TBC1D8: variants seen among roughly 807,000 people sequenced by gnomAD.
The protein encoded by TBC1D8 is BUB2-like protein 1.
In TBC1D8, 65 loss-of-function variants were observed where a neutral mutation model predicts 118.8. The observed-to-expected ratio is 0.55, with a 90% CI of 0.45 to 0.67. The LOEUF (loss-of-function observed/expected upper bound fraction) is 0.67. TBC1D8 is among the 30% of genes least tolerant of loss of function. The probability of loss-of-function intolerance (pLI) is 0.00; values close to 1 mark genes in which losing one functional copy is unlikely to be tolerated. For synonymous variants in TBC1D8, 566 were observed against 595.8 expected, an observed-to-expected ratio of 0.95 and a Z score of 0.73; for missense variants, 1,376 against 1,471.2, an observed-to-expected ratio of 0.94 and a Z score of 1.06.
chr2:101,137,031 C>CTTTTT (rs34792672), intron 1 of TBC1D8, among the ~76,000 whole-genome samples: 1 of 121,060 alleles, frequency 8.3e-6, no homozygotes, highest in African/African-American at 3.2e-5. Context: ...TAGGCTAATT[C>CTTTTT]TTTTTTTTTT....
At chr2:101,028,606 C>T (rs1364797437) in intron 12 of TBC1D8, 174 bp from the exon 13 acceptor site, 15 of 934,618 alleles carry the variant, frequency 1.6e-5, no homozygotes, top group Admixed American at 3.1e-5. Context: ...TCATGAAGCC[C>T]GGCTTGTGGA....
chr2:101,077,617 A>C (rs751993340), intron 2 of TBC1D8, among the ~76,000 whole-genome samples: 21 of 152,176 alleles, frequency 1.4e-4, no homozygotes, highest in Admixed American at 3.9e-4. Context: ...GACAGTATCA[A>C]GGGGATGGTG....
At chr2:101,021,598 G>C (rs1680031221) in intron 17 of TBC1D8, 83 bp downstream of exon 17, 3 of 976,494 alleles carry the variant, frequency 3.1e-6, no homozygotes, top group Non-Finnish European at 3.1e-6. Flanking sequence ...ACTTTAAAAA[G>C]AGAAGAGCTT....
intron 1 of TBC1D8, among the ~76,000 whole-genome samples, chr2:101,111,416 G>A (rs1431396799): frequency 6.6e-6 from 1 of 152,200 alleles, no homozygotes; most frequent in East Asian, 1.9e-4. Context: ...GCCCATCATG[G>A]CTGGTGGAAC....
intron 16 of TBC1D8, 106 bp downstream of exon 16, chr2:101,022,175 A>C (rs756955259): frequency 1.5e-4 from 237 of 1,537,156 alleles, no homozygotes; most frequent in Admixed American, 2.2e-4. Context: ...GCCAGTCACA[A>C]AAGTGTTACA....
chr2:101,043,407 A>G (rs1681505805), intron 5 of TBC1D8, among the ~76,000 whole-genome samples: 1 of 152,244 alleles, frequency 6.6e-6, no homozygotes, highest in South Asian at 2.1e-4. Context: ...AGCTTTAACG[A>G]AAGTAAAATC....
chr2:101,082,457 C>G (rs1675328188), intron 2 of TBC1D8, among the ~76,000 whole-genome samples: 1 of 152,194 alleles, frequency 6.6e-6, no homozygotes, highest in Non-Finnish European at 1.5e-5. Context: ...CTCCCCATGA[C>G]CTGACTAGGA....
intron 2 of TBC1D8, among the ~76,000 whole-genome samples, chr2:101,068,859 C>A (rs1324260906): frequency 6.6e-6 from 1 of 151,816 alleles, no homozygotes; most frequent in Non-Finnish European, 1.5e-5. Context: ...ATTAGCTGAG[C>A]GTGGTGGTGG....
chr2:101,133,727 T>C (rs1678702751), intron 1 of TBC1D8, among the ~76,000 whole-genome samples: 1 of 151,960 alleles, frequency 6.6e-6, no homozygotes, highest in African/African-American at 2.4e-5. Context: ...CCTTAGGGGG[T>C]TGTATTAGTC....
chr2:101,018,915 T>C (rs1679850228), intron 17 of TBC1D8: 2 of 1,540,708 alleles, frequency 1.3e-6, no homozygotes, highest in African/African-American at 2.7e-5. Flanking sequence ...GTGAAAACTG[T>C]TGATGTCCTA....
At chr2:101,142,212 T>C (rs1461075684) in intron 1 of TBC1D8, among the ~76,000 whole-genome samples, 2 of 152,092 alleles carry the variant, frequency 1.3e-5, no homozygotes, top group Non-Finnish European at 2.9e-5. Context: ...TGGAAACAAT[T>C]TGGAATTATC....
At chr2:101,094,466 A>C (rs1049566768) in intron 1 of TBC1D8, among the ~76,000 whole-genome samples, 23 of 152,130 alleles carry the variant, frequency 1.5e-4, no homozygotes, top group African/African-American at 5.1e-4. Context: ...CACTCATCCC[A>C]CACCCCCACA....
chr2:101,085,229 A>T (rs1164973491), intron 2 of TBC1D8, among the ~76,000 whole-genome samples: 1 of 152,074 alleles, frequency 6.6e-6, no homozygotes, highest in Non-Finnish European at 1.5e-5. Flanking sequence ...GTATCCAATA[A>T]AGGATTGGAT....
intron 1 of TBC1D8, among the ~76,000 whole-genome samples, chr2:101,144,950 T>A (rs1432262444): frequency 6.6e-6 from 1 of 152,014 alleles, no homozygotes; most frequent in Non-Finnish European, 1.5e-5. Context: ...AAAATAAAAA[T>A]AAAAATAAAT....
At chr2:101,049,775 C>T (rs1681938661) in intron 5 of TBC1D8, among the ~76,000 whole-genome samples, 1 of 151,340 alleles carries the variant, frequency 6.6e-6, no homozygotes, top group South Asian at 2.1e-4. Flanking sequence ...TCTTAATGTT[C>T]ACTAGCAAAG....
At chr2:101,022,633 AC>A in intron 15 of TBC1D8, 112 bp from the exon 16 acceptor site, 2 of 1,416,332 alleles carry the variant, frequency 1.4e-6, no homozygotes, top group Non-Finnish European at 1.8e-6. Context: ...CTAACTGGAT[AC>A]GTAAAAGTGT....
chr2:101,017,365 A>G (rs1047473354), intron 17 of TBC1D8, among the ~76,000 whole-genome samples: 4 of 152,214 alleles, frequency 2.6e-5, no homozygotes, highest in Non-Finnish European at 4.4e-5. Flanking sequence ...ATTACCCAGT[A>G]TTAGGTGTTA....
intron 1 of TBC1D8, among the ~76,000 whole-genome samples, chr2:101,133,304 A>T (rs12472431): frequency 0.18 from 27,984 of 152,082 alleles, 2,689 homozygotes; most frequent in East Asian, 0.27. Context: ...AGCACTGCCA[A>T]ATGCTTCTGG....
At chr2:101,059,054 G>A (rs939746068) in intron 3 of TBC1D8, among the ~76,000 whole-genome samples, 2 of 151,918 alleles carry the variant, frequency 1.3e-5, no homozygotes, top group Non-Finnish European at 1.5e-5. Flanking sequence ...ACAGGTGCCC[G>A]CCACCATGCC....
Sources: gnomAD v4.1 joint callset for allele counts (sites outside exome capture counted in the v4.1 genomes callset) on GRCh38, gnomAD v4.1.1 for gene constraint, MANE v1.5 for transcripts, NCBI Gene and HGNC (gene_info 2026-07-23, HGNC 2026-07-21) for gene names.